The following F13A1 variants were observed in gnomAD, a reference collection of about 807,000 sequenced individuals.
F13A1 encodes the protein FSF, A subunit.
F13A1 carries 47 observed loss-of-function variants against 80.1 expected under a neutral mutation model. The observed-to-expected ratio is 0.59, with a 90% CI of 0.46 to 0.75. The LOEUF is 0.75. F13A1 is among the 30% of genes least tolerant of loss of function. The pLI, the probability that F13A1 is intolerant of heterozygous loss-of-function variation, is 0.00. For missense variants in F13A1, 817 were observed against 930.4 expected, an observed-to-expected ratio of 0.88 and a Z score of 1.59; for synonymous variants, 349 against 344.9, an observed-to-expected ratio of 1.01 and a Z score of -0.13.
intron 3 of F13A1, among the ~76,000 whole-genome samples, chr6:6,267,738 T>C (rs1175693017): frequency 7.2e-6 from 1 of 139,742 alleles, no homozygotes; most frequent in Non-Finnish European, 1.6e-5. Context: ...TAATGATAGA[T>C]TTAAAAAAAA....
At chr6:6,288,543 A>G (rs1269880549) in intron 3 of F13A1, among the ~76,000 whole-genome samples, 1 of 152,186 alleles carries the variant, frequency 6.6e-6, no homozygotes, top group East Asian at 1.9e-4. Context: ...GTGTCTATAT[A>G]CCACATTTTC....
At chr6:6,319,372 GGAGGTGGA>G (rs776697747) in intron 1 of F13A1, among the ~76,000 whole-genome samples, 24 of 152,208 alleles carry the variant, frequency 1.6e-4, no homozygotes, top group Non-Finnish European at 3.2e-4. Context: ...AGGAGGATAA[GGAGGTGGA>G]GAGGTTGGGC....
At chr6:6,203,869 C>T (rs1192309188) in intron 8 of F13A1, among the ~76,000 whole-genome samples, 2 of 152,208 alleles carry the variant, frequency 1.3e-5, no homozygotes, top group African/African-American at 4.8e-5. Flanking sequence ...ATAGATACTT[C>T]TTACTTTGGT....
At chr6:6,193,094 C>T (rs375774367) in intron 10 of F13A1, among the ~76,000 whole-genome samples, 195 of 152,024 alleles carry the variant, frequency 1.3e-3, no homozygotes, top group African/African-American at 4.3e-3. Flanking sequence ...GCAGGGAGGA[C>T]ATGGGAAGGG....
Position 6,224,724 on chromosome 6 carries a change from T to C in F13A1, c.935A>G (p.Tyr312Cys). Residue 312 changes from tyrosine to cysteine, a missense_variant, in exon 7 of 15, where the codon TAT (tyrosine) becomes TGT (cysteine). Transcript: ENST00000264870. ...EYRSSENPVR[Y>C]GQCWVFAGVF... ...ACCAGCAAAAACCCAGCATTGGCCATACCGGACTGGATTCTCAGAGCTCCG... is the reference window on the plus strand; with the variant it reads ...ACCAGCAAAAACCCAGCATTGGCCACACCGGACTGGATTCTCAGAGCTCCG... The C allele has an allele frequency of 6.2e-7, 1 of 1,613,842 alleles. No homozygotes were observed. Among genetic ancestry groups the C allele is most frequent in the Non-Finnish European group, 8.5e-7 (1 of 1,179,740 alleles).
intron 4 of F13A1, among the ~76,000 whole-genome samples, chr6:6,251,510 A>G (rs1444227968): frequency 6.6e-6 from 1 of 152,070 alleles, no homozygotes; most frequent in Non-Finnish European, 1.5e-5. Flanking sequence ...AGTGTCTTTC[A>G]TTGCAAGGAC....
At chr6:6,262,863 G>A (rs1757796072) in intron 4 of F13A1, among the ~76,000 whole-genome samples, 1 of 152,050 alleles carries the variant, frequency 6.6e-6, no homozygotes, top group African/African-American at 2.4e-5. Context: ...CTGTTCCCTG[G>A]ATTCCAACCA....
intron 11 of F13A1, among the ~76,000 whole-genome samples, chr6:6,177,375 T>C (rs1166326931): frequency 2.0e-5 from 3 of 152,296 alleles, no homozygotes; most frequent in Non-Finnish European, 4.4e-5. Flanking sequence ...TGGTTTTATT[T>C]CCTCTTCCTT....
chr6:6,191,962 G>C (rs371167910), intron 10 of F13A1, among the ~76,000 whole-genome samples: 1 of 152,238 alleles, frequency 6.6e-6, no homozygotes, highest in African/African-American at 2.4e-5. Context: ...GTGAGCGAAG[G>C]CCTCTTTGAA....
At chr6:6,238,831 G>A (rs2113084607) in intron 6 of F13A1, among the ~76,000 whole-genome samples, 1 of 151,998 alleles carries the variant, frequency 6.6e-6, no homozygotes, top group South Asian at 2.1e-4. Flanking sequence ...CATTTGATTG[G>A]TTAAAATTAA....
chr6:6,256,703 A>T (rs1757708735), intron 4 of F13A1, among the ~76,000 whole-genome samples: 1 of 152,142 alleles, frequency 6.6e-6, no homozygotes, highest in African/African-American at 2.4e-5. Context: ...GAAGGTAAGG[A>T]TTTATAACAA....
intron 8 of F13A1, among the ~76,000 whole-genome samples, chr6:6,210,389 G>A (rs1761585583): frequency 8.0e-6 from 1 of 125,426 alleles, no homozygotes. Flanking sequence ...CTGTCGCCCA[G>A]GCTGAAGTGC....
intron 6 of F13A1, among the ~76,000 whole-genome samples, chr6:6,247,991 G>A (rs779993550): frequency 6.6e-6 from 1 of 152,198 alleles, no homozygotes; most frequent in East Asian, 1.9e-4. Context: ...TTTGATTATA[G>A]TCATTGACAT....
chr6:6,248,316 G>A lies in F13A1; in HGVS notation c.794C>T (p.Ala265Val). 1 of 1,613,494 alleles carries A rather than the reference G, an allele frequency of 6.2e-7. No homozygotes were observed. The highest frequency in any genetic ancestry group is 8.5e-7 in the Non-Finnish European group (1 of 1,179,548). Residue 265 changes from alanine to valine, a missense_variant, in exon 6 of 15, where the codon GCA becomes GTA. Coordinates refer to ENST00000264870, the MANE Select transcript of F13A1 (RefSeq NM_000129.4). ...GTATCAGTAATTGCTGCTTACCATT[G>A]CAGACCCCACACGGCTGACTTTGAT... ...NPIKVSRVGS[A>V]MVNAKDDEGV... is the part of the protein sequence containing the mutation.
intron 6 of F13A1, among the ~76,000 whole-genome samples, chr6:6,231,268 C>T (rs769802673): frequency 3.9e-5 from 6 of 151,992 alleles, no homozygotes; most frequent in South Asian, 2.1e-4. Context: ...CACACTTTTA[C>T]GAATGCGAAA....
At chr6:6,230,851 A>C (rs1757342045) in intron 6 of F13A1, among the ~76,000 whole-genome samples, 1 of 152,194 alleles carries the variant, frequency 6.6e-6, no homozygotes, top group African/African-American at 2.4e-5. Context: ...CAATCACTGC[A>C]ATTTGGCTCA....
At chr6:6,202,784 G>A (rs889569765) in intron 8 of F13A1, among the ~76,000 whole-genome samples, 1 of 152,224 alleles carries the variant, frequency 6.6e-6, no homozygotes, top group Admixed American at 6.5e-5. Context: ...CTTCCTGTGT[G>A]TTCCGTGCAG....
chr6:6,172,154 C>A (rs866342835), intron 12 of F13A1, among the ~76,000 whole-genome samples: 1 of 152,134 alleles, frequency 6.6e-6, no homozygotes, highest in South Asian at 2.1e-4. Context: ...GAATCAAGAA[C>A]CCCGGGGTGT....
intron 3 of F13A1, among the ~76,000 whole-genome samples, chr6:6,289,383 C>G (rs1395883252): frequency 6.6e-6 from 1 of 152,014 alleles, no homozygotes; most frequent in Non-Finnish European, 1.5e-5. Flanking sequence ...AGTCCTCAGA[C>G]CACAGTGTGT....
Sources: gnomAD v4.1 joint callset for allele counts (sites outside exome capture counted in the v4.1 genomes callset) on GRCh38, gnomAD v4.1.1 for gene constraint, MANE v1.5 for transcripts, NCBI Gene and HGNC (gene_info 2026-07-23, HGNC 2026-07-21) for gene names.